Variants in BPTF observed in about 807,000 individuals in gnomAD.
BPTF encodes nucleosome-remodeling factor subunit BPTF.
In BPTF, 18 loss-of-function variants were observed where a neutral mutation model predicts 292.5. The ratio of observed to expected loss-of-function variants is 0.06; its 90% CI spans 0.04 to 0.09. The LOEUF is 0.09. Ranked by LOEUF, BPTF falls within the 10% of genes least tolerant of loss-of-function variation. The pLI is 1.00. For synonymous variants in BPTF, 1,225 were observed against 1,251.9 expected, an observed-to-expected ratio of 0.98 and a Z score of 0.45; for missense variants, 2,726 against 3,498.7, an observed-to-expected ratio of 0.78 and a Z score of 5.57.
At position 67,970,845 on chromosome 17, in the gene BPTF, A is replaced by C. The variant is rs145360579; in HGVS notation, c.8539+4189A>C. The stretch of plus-strand genomic sequence containing the variant: ...ATCAATAGATTTTTTTATTGTGTGT[A>C]GTTTTTGCTAGTATAAACAACATGC... On this transcript the variant is annotated intron_variant, in intron 26 of 27. Coordinates refer to ENST00000306378, the MANE Select transcript of BPTF (RefSeq NM_182641.4). 9.6e-3 allele frequency among the ~76,000 whole-genome samples: 1,462 copies of C among 152,268 alleles called. 19 individuals are homozygous for C. Among genetic ancestry groups the C allele is most frequent in the African/African-American group, 0.034 (1,407 of 41,550 alleles).
At chr17:67,876,912 C>T (rs1041947500) in intron 4 of BPTF, among the ~76,000 whole-genome samples, 4 of 152,236 alleles carry the variant, frequency 2.6e-5, no homozygotes, top group South Asian at 2.1e-4. Context: ...CAGTGGCCGG[C>T]ATCAGAGGGG....
chr17:67,918,256 A>G (rs2063187641), intron 11 of BPTF, among the ~76,000 whole-genome samples: 1 of 152,202 alleles, frequency 6.6e-6, no homozygotes, highest in South Asian at 2.1e-4. Context: ...CTTTTAGAAA[A>G]TTTAAACATT....
intron 2 of BPTF, among the ~76,000 whole-genome samples, chr17:67,859,423 G>A (rs1287964069): frequency 1.3e-5 from 2 of 152,208 alleles, no homozygotes; most frequent in Non-Finnish European, 2.9e-5. Context: ...TAGGGTTACA[G>A]GCCTGAGCCA....
chr17:67,967,671 TAGCC>T (rs782107820), intron 26 of BPTF, among the ~76,000 whole-genome samples: 81 of 151,956 alleles, frequency 5.3e-4, no homozygotes, highest in Middle Eastern at 3.4e-3. Context: ...ATAGAAAAAT[TAGCC>T]AGTTGTGGTG....
At position 67,825,530 on chromosome 17, in the gene BPTF, G is replaced by A. The variant is rs1242995814; in HGVS notation, c.-195G>A. The A allele has an allele frequency of 2.4e-6, 1 of 424,882 alleles. No homozygotes were observed. 26.3% of individuals were successfully genotyped at this position (424,882 alleles called of 1,614,324 possible). On this transcript the variant is annotated 5_prime_UTR_variant, in exon 1 of 28. Transcript: ENST00000306378. ...TCACCGAGCGAGAGGGAAGAAACAAGATGGCGGCTGAAGGCGATCCGGAGT... is the reference window on the plus strand; with the variant it reads ...TCACCGAGCGAGAGGGAAGAAACAAAATGGCGGCTGAAGGCGATCCGGAGT...
chr17:67,954,614 T>C (rs1191026775), intron 23 of BPTF, among the ~76,000 whole-genome samples: 1 of 152,176 alleles, frequency 6.6e-6, no homozygotes, highest in East Asian at 1.9e-4. Context: ...CTGCTCACAG[T>C]TTTGTGTCTC....
chr17:67,918,708 T>G lies in BPTF; in HGVS notation c.5304-6T>G. The G allele has an allele frequency of 6.2e-7, 1 of 1,611,900 alleles. No individual in the cohort carries two copies. Among genetic ancestry groups the G allele is most frequent in the African/African-American group, 1.3e-5 (1 of 75,006 alleles). On this transcript the variant is annotated splice_region_variant and splice_polypyrimidine_tract_variant and intron_variant, in intron 11 of 27. Coordinates refer to ENST00000306378, the MANE Select transcript of BPTF (RefSeq NM_182641.4). ...TATATATGGATTTCTTTGGTTTTCC[T>G]TTCAGGTATAGACTTCAGACAGTAA... is the stretch of plus-strand genomic sequence containing the variant.
At chr17:67,953,179 T>G (rs746454221) in intron 23 of BPTF, among the ~76,000 whole-genome samples, 2 of 152,062 alleles carry the variant, frequency 1.3e-5, no homozygotes, top group Non-Finnish European at 2.9e-5. Context: ...GCCAGGATGG[T>G]CTCGATCTCC....
At chr17:67,844,766 G>A (rs950028830) in intron 1 of BPTF, among the ~76,000 whole-genome samples, 2 of 151,150 alleles carry the variant, frequency 1.3e-5, no homozygotes, top group East Asian at 2.0e-4. Flanking sequence ...TTTTTGAGAC[G>A]GAGTTTCACT....
intron 1 of BPTF, among the ~76,000 whole-genome samples, chr17:67,835,270 A>G (rs954131561): frequency 3.3e-5 from 5 of 152,172 alleles, no homozygotes; most frequent in Non-Finnish European, 2.9e-5. Context: ...TAGCTGTTAT[A>G]TGTTCATTTC....
chr17:67,945,279 C>A, intron 20 of BPTF, 130 bp from the exon 21 acceptor site: 1 of 1,468,072 alleles, frequency 6.8e-7, no homozygotes. Context: ...CTCAACGTCC[C>A]AAGGTGCACA....
At chr17:67,928,240 G>T (rs2064082818) in intron 15 of BPTF, 115 bp from the exon 16 acceptor site, 7 of 1,151,134 alleles carry the variant, frequency 6.1e-6, no homozygotes, top group Non-Finnish European at 8.5e-6. Flanking sequence ...AAATACTTCA[G>T]AAATGTAGTG....
chr17:67,869,859 A>AGGCGTGGT (rs2059612079), intron 3 of BPTF, among the ~76,000 whole-genome samples: 1 of 148,476 alleles, frequency 6.7e-6, no homozygotes, highest in Admixed American at 6.7e-5. Context: ...AAAATTAGCC[A>AGGCGTGGT]GGCGTGGTGG....
At chr17:67,875,889 C>T in intron 4 of BPTF, 1 of 627,360 alleles carries the variant, frequency 1.6e-6, no homozygotes, top group Non-Finnish European at 2.3e-6. Flanking sequence ...TAAATTGTCA[C>T]CTAACATTTG....
chr17:67,941,033 G>A (rs1555671744), intron 19 of BPTF, among the ~76,000 whole-genome samples: 1 of 152,220 alleles, frequency 6.6e-6, no homozygotes, highest in Non-Finnish European at 1.5e-5. Context: ...ATCCCAAGAG[G>A]TTTTGTTTTT....
At chr17:67,870,162 G>A (rs1431311140) in intron 3 of BPTF, among the ~76,000 whole-genome samples, 1 of 151,948 alleles carries the variant, frequency 6.6e-6, no homozygotes, top group Non-Finnish European at 1.5e-5. Context: ...TATCCTCTTA[G>A]TACTACATGG....
At chr17:67,906,408 A>G (rs942819822) in intron 9 of BPTF, among the ~76,000 whole-genome samples, 7 of 152,268 alleles carry the variant, frequency 4.6e-5, no homozygotes, top group African/African-American at 1.7e-4. Flanking sequence ...AGTTTTTACA[A>G]CTGGCTAATG....
In BPTF at chr17:67,854,489, A is replaced by G. The variant is rs2058583175; in HGVS notation, c.1163A>G (p.Gln388Arg). ...REELMSEGVI[Q>R]YDDHCRVCHK... is the part of the protein sequence containing the mutation. ...GAATTGATGTCTGAAGGGGTGATAC[A>G]GTATGATGACCATTGTAGGGTTTGT... The change falls in exon 2 of 28, where the codon CAG becomes CGG. Residue 388 changes from glutamine (Q) to arginine (R), a missense_variant. Coordinates refer to ENST00000306378, the MANE Select transcript of BPTF (RefSeq NM_182641.4). This position sits in a 1 kb window ranked among gnomAD's most constrained non-coding sequence, Gnocchi z 5.6. 6.2e-7 allele frequency: 1 copy of G among 1,614,116 alleles called. No individual in the cohort carries two copies. The highest frequency in any genetic ancestry group is 8.5e-7 in the Non-Finnish European group (1 of 1,180,044).
chr17:67,845,383 T>G (rs1006525368), intron 1 of BPTF, among the ~76,000 whole-genome samples: 2 of 152,276 alleles, frequency 1.3e-5, no homozygotes, highest in East Asian at 3.8e-4. Flanking sequence ...ATCATTTCTT[T>G]GTTAATTATC....
Sources: allele counts gnomAD v4.1 joint callset (sites outside exome capture counted in the v4.1 genomes callset), GRCh38; gene constraint gnomAD v4.1.1; non-coding constraint Gnocchi (gnomAD v3.1); transcripts MANE v1.5; gene names NCBI Gene and HGNC (gene_info 2026-07-23, HGNC 2026-07-21).